GATA4: variants seen among roughly 807,000 people sequenced by gnomAD.
GATA4 encodes transcription factor GATA-4.
A neutral mutation model predicts 37.9 loss-of-function variants in GATA4; 7 were observed. That is an observed-to-expected ratio of 0.18 (90% CI 0.11 to 0.35). GATA4 has a LOEUF of 0.35. Among genes scored for constraint, GATA4 ranks in the 10% least tolerant of loss-of-function variants. The pLI, the probability that GATA4 is intolerant of heterozygous loss-of-function variation, is 1.00. For missense variants in GATA4, 647 were observed against 653.0 expected (o/e 0.99, Z 0.10); for synonymous variants, 372 against 292.6 (o/e 1.27, Z -2.77).
intron 2 of GATA4, among the ~76,000 whole-genome samples, chr8:11,729,595 A>G (rs1231014075): frequency 1.4e-4 from 21 of 152,010 alleles, no homozygotes; most frequent in Admixed American, 1.3e-3. Context: ...GGTTGAACAC[A>G]GAAAGGAAGA....
chr8:11,731,276 A>G (rs1010993754), intron 2 of GATA4, among the ~76,000 whole-genome samples: 1 of 152,250 alleles, frequency 6.6e-6, no homozygotes, highest in Non-Finnish European at 1.5e-5. Context: ...TCTTGTAAAA[A>G]TGAGCGCATT....
chr8:11,720,278 G>A (rs1800612817), intron 2 of GATA4, among the ~76,000 whole-genome samples: 1 of 151,986 alleles, frequency 6.6e-6, no homozygotes, highest in Admixed American at 6.6e-5. Flanking sequence ...CATTCAGGCT[G>A]ACTTTGTCTT....
chr8:11,699,724 C>T (rs2130017032), upstream of GATA4, among the ~76,000 whole-genome samples: 1 of 152,368 alleles, frequency 6.6e-6, no homozygotes, highest in East Asian at 1.9e-4. Context: ...ACCTGAAGAG[C>T]CCCTCCCTAT....
intron 1 of GATA4, among the ~76,000 whole-genome samples, chr8:11,685,081 G>A (rs28447194): frequency 0.091 from 13,879 of 152,146 alleles, 693 homozygotes; most frequent in Middle Eastern, 0.16. Flanking sequence ...TGACAAGGAC[G>A]CACCAAACAT....
At chr8:11,705,148 C>T (rs1033675525) in intron 1 of GATA4, among the ~76,000 whole-genome samples, 2 of 152,156 alleles carry the variant, frequency 1.3e-5, no homozygotes, top group African/African-American at 4.8e-5. Context: ...GTGGGGGACC[C>T]GCGGCCGATG....
chr8:11,705,139 T>C (rs1242907525), intron 1 of GATA4, among the ~76,000 whole-genome samples: 2 of 152,072 alleles, frequency 1.3e-5, no homozygotes, highest in Non-Finnish European at 2.9e-5. Flanking sequence ...AAGAGCGTGG[T>C]GGGGGACCCG....
chr8:11,721,012 G>C (rs1196781512), intron 2 of GATA4, among the ~76,000 whole-genome samples: 1 of 152,022 alleles, frequency 6.6e-6, no homozygotes, highest in Non-Finnish European at 1.5e-5. Context: ...CATTCCCTGT[G>C]AGCCTGGCGC....
At chr8:11,706,236 T>A (rs1158508835) in intron 1 of GATA4, among the ~76,000 whole-genome samples, 3 of 152,224 alleles carry the variant, frequency 2.0e-5, no homozygotes, top group Non-Finnish European at 4.4e-5. Flanking sequence ...ATTCCATTAT[T>A]ATTACTAGTG....
chr8:11,732,350 G>A (rs1173879587), intron 2 of GATA4, among the ~76,000 whole-genome samples: 1 of 152,190 alleles, frequency 6.6e-6, no homozygotes, highest in Non-Finnish European at 1.5e-5. Flanking sequence ...TTCAGTGCAG[G>A]TGCTTTAGAT....
intron 2 of GATA4, among the ~76,000 whole-genome samples, chr8:11,715,258 T>G (rs1800386264): frequency 6.6e-6 from 1 of 152,172 alleles, no homozygotes; most frequent in South Asian, 2.1e-4. Flanking sequence ...TAACACAGAT[T>G]TGCCTGTGGG....
chr8:11,692,982 C>G (rs1585564017), intron 1 of GATA4: 3 of 985,310 alleles, frequency 3.0e-6, no homozygotes, highest in Non-Finnish European at 1.2e-6. Flanking sequence ...CGCGGCCATC[C>G]ATCACCCGGG....
upstream of GATA4, among the ~76,000 whole-genome samples, chr8:11,703,152 C>T (rs567582526): frequency 1.8e-3 from 274 of 151,928 alleles, 1 homozygote; most frequent in African/African-American, 6.3e-3. Flanking sequence ...TTGAGAAGCC[C>T]GTGCTGGAGA....
intron 2 of GATA4, among the ~76,000 whole-genome samples, chr8:11,729,118 A>G (rs541928326): frequency 6.6e-6 from 1 of 152,234 alleles, no homozygotes; most frequent in East Asian, 1.9e-4. Context: ...CTATAATCCC[A>G]ACTACTCAGG....
intron 2 of GATA4, among the ~76,000 whole-genome samples, chr8:11,738,447 C>A (rs571364354): frequency 1.3e-5 from 2 of 152,268 alleles, no homozygotes; most frequent in African/African-American, 2.4e-5. Context: ...TCTAATATTT[C>A]ATAGCATATA....
intron 2 of GATA4, among the ~76,000 whole-genome samples, chr8:11,742,389 T>G (rs1461290913): frequency 1.2e-4 from 15 of 126,420 alleles, no homozygotes; most frequent in East Asian, 1.9e-4. Context: ...GTTTTGTTTT[T>G]TTTTTTTCCT....
At chr8:11,733,019 T>C (rs1801285471) in intron 2 of GATA4, among the ~76,000 whole-genome samples, 1 of 152,058 alleles carries the variant, frequency 6.6e-6, no homozygotes, top group East Asian at 1.9e-4. Flanking sequence ...GTTAATAAAA[T>C]GAATGAGATA....
At chr8:11,692,787 G>C (rs933310256) in intron 1 of GATA4, 2 of 982,518 alleles carry the variant, frequency 2.0e-6, no homozygotes, top group African/African-American at 3.5e-5. Flanking sequence ...GCTGCCGAGG[G>C]GAGGAAGCGG....
chr8:11,710,988 A>G (rs1800159003), intron 2 of GATA4, among the ~76,000 whole-genome samples: 1 of 150,898 alleles, frequency 6.6e-6, no homozygotes, highest in Admixed American at 6.6e-5. Context: ...GTGTGTGCTT[A>G]TAGTCCCAGT....
In GATA4 at chr8:11,756,954, C is replaced by G. The variant is rs1042942931; in HGVS notation, c.1020C>G (p.Ser340Arg). ...TTCCAGCTCCTTCAGGCAGTGAGAG[C>G]CTTCCTCCCGCCAGCGGTGCTTCCA... ...KTPAAPSGSE[S>R]LPPASGASSN... is the part of the protein sequence containing the mutation. The change falls in exon 6 of 7, where the codon AGC becomes AGG. Residue 340 changes from serine (S) to arginine (R), a missense_variant. Ser to Arg is a moderately radical substitution (Grantham distance 110, BLOSUM62 -1). Around this residue, in one of 5 missense-constraint regions of GATA4, gnomAD observed 184 missense variants for 157.1 expected, o/e 1.17. Transcript: ENST00000532059. 8.7e-6 allele frequency: 14 copies of G among 1,614,234 alleles called. No homozygotes were observed. The East Asian group carries it at 2.9e-4, about 33-fold the overall frequency.
Sources: allele counts gnomAD v4.1 joint callset (sites outside exome capture counted in the v4.1 genomes callset), GRCh38; gene constraint gnomAD v4.1.1; regional missense constraint gnomAD v4.1.1; transcripts MANE v1.5; gene names NCBI Gene and HGNC (gene_info 2026-07-23, HGNC 2026-07-21).